The following FUT9 variants were observed in gnomAD, a reference collection of about 807,000 sequenced individuals.
The protein encoded by FUT9 is 4-galactosyl-N-acetylglucosaminide 3-alpha-L-fucosyltransferase 9.
A neutral mutation model predicts 29.7 loss-of-function variants in FUT9; 15 were observed. The observed-to-expected ratio is 0.51, with a 90% CI of 0.34 to 0.78. The LOEUF is 0.78. Among genes scored for constraint, FUT9 ranks in the 30% least tolerant of loss-of-function variants. FUT9 has a pLI of 0.01. For synonymous variants in FUT9, 169 were observed against 153.7 expected, an observed-to-expected ratio of 1.10 and a Z score of -0.74; for missense variants, 319 against 425.4, an observed-to-expected ratio of 0.75 and a Z score of 2.20.
chr6:96,111,614 C>A (rs546539641), intron 1 of FUT9, among the ~76,000 whole-genome samples: 1 of 151,422 alleles, frequency 6.6e-6, no homozygotes, highest in Non-Finnish European at 1.5e-5. Flanking sequence ...GATAAAAGAA[C>A]TCAGGCCACT....
chr6:96,058,420 T>G (rs1770813126), intron 1 of FUT9, among the ~76,000 whole-genome samples: 1 of 123,326 alleles, frequency 8.1e-6, no homozygotes, highest in African/African-American at 3.3e-5. Context: ...ACAAGTGGAT[T>G]AAGAGAGTAA....
chr6:96,189,323 C>A (rs1254628807), intron 2 of FUT9, among the ~76,000 whole-genome samples: 1 of 151,694 alleles, frequency 6.6e-6, no homozygotes, highest in Admixed American at 6.6e-5. Context: ...AAGCTGTGTC[C>A]CCATCATCCA....
intron 2 of FUT9, among the ~76,000 whole-genome samples, chr6:96,131,538 C>T (rs1224874484): frequency 6.6e-6 from 1 of 152,118 alleles, no homozygotes; most frequent in Non-Finnish European, 1.5e-5. Flanking sequence ...GGCTACAAAT[C>T]CCTATCTCTG....
intron 2 of FUT9, among the ~76,000 whole-genome samples, chr6:96,157,340 T>C (rs1017142008): frequency 3.9e-5 from 6 of 152,202 alleles, no homozygotes; most frequent in Non-Finnish European, 8.8e-5. Flanking sequence ...GTTAAATAAG[T>C]ATTAAATGCG....
chr6:96,158,631 A>G (rs1039881713), intron 2 of FUT9, among the ~76,000 whole-genome samples: 1 of 152,076 alleles, frequency 6.6e-6, no homozygotes, highest in Non-Finnish European at 1.5e-5. Context: ...CAGATAAGAA[A>G]CTTGCTCTGT....
At chr6:96,082,496 C>T (rs1461346259) in intron 1 of FUT9, among the ~76,000 whole-genome samples, 2 of 151,756 alleles carry the variant, frequency 1.3e-5, no homozygotes, top group Non-Finnish European at 3.0e-5. Context: ...GGCTATTTGC[C>T]TATTCCAAAT....
chr6:96,168,406 G>A (rs1039138909), intron 2 of FUT9, among the ~76,000 whole-genome samples: 24 of 152,274 alleles, frequency 1.6e-4, no homozygotes, highest in Admixed American at 9.1e-4. Context: ...TACCAAGAAC[G>A]GAGCAGAGAA....
intron 2 of FUT9, among the ~76,000 whole-genome samples, chr6:96,155,587 G>A (rs1444664041): frequency 1.3e-5 from 2 of 151,754 alleles, no homozygotes; most frequent in East Asian, 3.9e-4. Context: ...GAAGGAGAAT[G>A]GTGTGAACCT....
chr6:96,024,832 C>A (rs991275499), intron 1 of FUT9, among the ~76,000 whole-genome samples: 2 of 151,802 alleles, frequency 1.3e-5, no homozygotes, highest in Admixed American at 1.3e-4. Flanking sequence ...CATTAAGAGC[C>A]CAAATACTAG....
intron 1 of FUT9, among the ~76,000 whole-genome samples, chr6:96,018,158 G>A (rs1003512631): frequency 6.6e-6 from 1 of 150,614 alleles, no homozygotes; most frequent in African/African-American, 2.5e-5. Flanking sequence ...TATATTTAGG[G>A]CTTGACTGAG....
chr6:96,030,185 A>T (rs1041626805), intron 1 of FUT9, among the ~76,000 whole-genome samples: 3 of 151,648 alleles, frequency 2.0e-5, no homozygotes, highest in Admixed American at 6.6e-5. Flanking sequence ...ACAGCAGAAC[A>T]TGGAAGAAAA....
intron 1 of FUT9, among the ~76,000 whole-genome samples, chr6:96,039,793 C>G (rs1770424223): frequency 6.6e-6 from 1 of 152,066 alleles, no homozygotes; most frequent in Admixed American, 6.6e-5. Context: ...CTACAAGAGT[C>G]CAAGCATTTA....
intron 2 of FUT9, among the ~76,000 whole-genome samples, chr6:96,134,670 C>T (rs1047461691): frequency 5.3e-5 from 8 of 151,744 alleles, no homozygotes; most frequent in Admixed American, 1.3e-4. Flanking sequence ...GAAACAGATA[C>T]ATCATTAACT....
chr6:96,111,216 A>G (rs966747927), intron 1 of FUT9, among the ~76,000 whole-genome samples: 1 of 152,318 alleles, frequency 6.6e-6, no homozygotes, highest in African/African-American at 2.4e-5. Context: ...ATACATTAAA[A>G]TAATGCTTTA....
At chr6:96,105,029 T>C (rs1379926319) in intron 1 of FUT9, among the ~76,000 whole-genome samples, 2 of 152,216 alleles carry the variant, frequency 1.3e-5, no homozygotes, top group African/African-American at 4.8e-5. Context: ...TAGAGTCAGA[T>C]TTATTCATAG....
chr6:96,083,007 G>A (rs1397616752), intron 1 of FUT9, among the ~76,000 whole-genome samples: 1 of 151,978 alleles, frequency 6.6e-6, no homozygotes, highest in Non-Finnish European at 1.5e-5. Flanking sequence ...GAAAATGACA[G>A]TAGCTTTTTA....
chr6:96,071,622 A>T lies in FUT9; in HGVS notation c.-97-42417A>T, dbSNP rs914306034. ...AGAGCAATGGGCTGCAAATCTGAAT[A>T]CCTGGAAGCTATGGCAGTTTAACCA... On this transcript the variant is annotated intron_variant, in intron 1 of 2. Transcript: ENST00000302103. 3.3e-5 allele frequency among the ~76,000 whole-genome samples: 5 copies of T among 152,276 alleles called. No individual in the cohort carries two copies. The South Asian group carries it at 1.0e-3, about 32-fold the overall frequency.
At chr6:96,148,272 A>G (rs1413361414) in intron 2 of FUT9, among the ~76,000 whole-genome samples, 5 of 152,178 alleles carry the variant, frequency 3.3e-5, no homozygotes, top group Non-Finnish European at 5.9e-5. Context: ...ATTCCAACCT[A>G]CAGAATAGGA....
At chr6:96,124,913 A>T (rs1772105516) in intron 2 of FUT9, among the ~76,000 whole-genome samples, 1 of 152,206 alleles carries the variant, frequency 6.6e-6, no homozygotes, top group Non-Finnish European at 1.5e-5. Flanking sequence ...TCTATCTTGC[A>T]TTCTGTCTTA....
Sources: gnomAD v4.1 joint callset for allele counts (sites outside exome capture counted in the v4.1 genomes callset) on GRCh38, gnomAD v4.1.1 for gene constraint, MANE v1.5 for transcripts, NCBI Gene and HGNC (gene_info 2026-07-23, HGNC 2026-07-21) for gene names.